The following SCYL2 variants were observed in gnomAD, a reference collection of about 807,000 sequenced individuals.
SCYL2 encodes SCY1 like pseudokinase 2, also known as SCY1-like protein 2.
A neutral mutation model predicts 100.4 loss-of-function variants in SCYL2; 36 were observed. The ratio of observed to expected loss-of-function variants is 0.36; its 90% CI spans 0.27 to 0.47. The LOEUF (loss-of-function observed/expected upper bound fraction) is 0.47. Ranked by LOEUF, SCYL2 falls within the 20% of genes least tolerant of loss-of-function variation. The pLI, the probability that SCYL2 is intolerant of heterozygous loss-of-function variation, is 1.00. For synonymous variants in SCYL2, 330 were observed against 359.2 expected (o/e 0.92, Z 0.92); for missense variants, 902 against 1,083.9 (o/e 0.83, Z 2.36).
chr12:100,309,131 T>TGC (rs1433639024), intron 4 of SCYL2, among the ~76,000 whole-genome samples: 3 of 150,402 alleles, frequency 2.0e-5, no homozygotes, highest in East Asian at 2.0e-4. Flanking sequence ...TGTGTGTGTG[T>TGC]GTGCGCGCGC....
At position 100,315,653 on chromosome 12, in the gene SCYL2, T is replaced by C. The variant is rs1234115813; in HGVS notation, c.1191T>C (p.Ala397=). The change falls in exon 9 of 18, where the codon GCT becomes GCC. Residue 397 remains alanine, a synonymous_variant. Transcript: ENST00000360820. ...PFVLPNVLLI[A]EECTKEEYVK... The stretch of plus-strand genomic sequence containing the variant: ...TTTTGCCCAATGTTCTACTTATTGC[T>C]GAGGAATGCACCAAAGAAGAATATG... The C allele has an allele frequency of 1.2e-6, 2 of 1,612,462 alleles. No individual in the cohort carries two copies. The highest frequency in any genetic ancestry group is 3.3e-4 in the Middle Eastern group (2 of 6,076).
At chr12:100,295,009 C>T (rs555395884) in intron 3 of SCYL2, among the ~76,000 whole-genome samples, 6 of 151,556 alleles carry the variant, frequency 4.0e-5, no homozygotes, top group Non-Finnish European at 8.9e-5. Flanking sequence ...ACGCTCCTCA[C>T]CTCCCAGACG....
At chr12:100,281,085 G>A (rs1378405814) in intron 1 of SCYL2, among the ~76,000 whole-genome samples, 3 of 131,560 alleles carry the variant, frequency 2.3e-5, no homozygotes, top group Non-Finnish European at 4.6e-5. Context: ...CGGGAGTGCA[G>A]TGGTGCTTTC....
chr12:100,321,218 T>C (rs2096355430), intron 10 of SCYL2, among the ~76,000 whole-genome samples: 1 of 152,272 alleles, frequency 6.6e-6, no homozygotes, highest in Non-Finnish European at 1.5e-5. Flanking sequence ...AAATAAAATA[T>C]ATCCAGTGTT....
chr12:100,328,433 T>A (rs943068238), intron 12 of SCYL2, among the ~76,000 whole-genome samples: 5 of 152,170 alleles, frequency 3.3e-5, no homozygotes, highest in Non-Finnish European at 5.9e-5. Context: ...GAGACTTCAC[T>A]GAAACAAAGG....
chr12:100,281,304 C>T (rs116549123), intron 1 of SCYL2, among the ~76,000 whole-genome samples: 2,564 of 152,234 alleles, frequency 0.017, 72 homozygotes, highest in African/African-American at 0.058. Context: ...GCTGGGATTA[C>T]AAGCCTGAAT....
At chr12:100,332,361 A>G (rs1234803612) in intron 13 of SCYL2, among the ~76,000 whole-genome samples, 1 of 152,204 alleles carries the variant, frequency 6.6e-6, no homozygotes, top group African/African-American at 2.4e-5. Context: ...CACTGTTACC[A>G]GTTAATAATA....
At chr12:100,328,105 C>T (rs1952158291) in intron 12 of SCYL2, among the ~76,000 whole-genome samples, 1 of 152,008 alleles carries the variant, frequency 6.6e-6, no homozygotes, top group Non-Finnish European at 1.5e-5. Context: ...TGGCAAAACC[C>T]CATCTCTACT....
chr12:100,279,196 C>T (rs1190488234), intron 1 of SCYL2, among the ~76,000 whole-genome samples: 1 of 152,182 alleles, frequency 6.6e-6, no homozygotes, highest in Non-Finnish European at 1.5e-5. Flanking sequence ...GGGTGAAACT[C>T]TTCTACCTCA....
chr12:100,333,165 G>A lies in SCYL2; in HGVS notation c.1762-1001G>A, dbSNP rs1952232912. Among the ~76,000 whole-genome samples the A allele has an allele frequency of 1.3e-5, 2 of 151,820 alleles. 1 individual carries two copies. Among genetic ancestry groups the A allele is most frequent in the South Asian group, 4.2e-4 (2 of 4,818 alleles). Reference sequence around the variant, plus strand: ...AAAAGTTTTAGGAACCCTAATCAGTGGAAAGTCAATCATAGTAAACTGCTT... The same window carrying A: ...AAAAGTTTTAGGAACCCTAATCAGTAGAAAGTCAATCATAGTAAACTGCTT... On this transcript the variant is annotated intron_variant, in intron 13 of 17. Coordinates refer to ENST00000360820, the MANE Select transcript of SCYL2 (RefSeq NM_017988.6).
chr12:100,269,833 C>T (rs987823879), intron 1 of SCYL2, among the ~76,000 whole-genome samples: 5 of 152,028 alleles, frequency 3.3e-5, no homozygotes, highest in Admixed American at 6.6e-5. Flanking sequence ...TTATAGGTTC[C>T]GATTCCAAAG....
intron 1 of SCYL2, among the ~76,000 whole-genome samples, chr12:100,280,725 T>G (rs1345036187): frequency 6.6e-6 from 1 of 152,118 alleles, no homozygotes; most frequent in Non-Finnish European, 1.5e-5. Flanking sequence ...AAATGCTCTT[T>G]GGAGCATTTC....
At chr12:100,282,319 C>CTTTTTTT (rs1180915936) in intron 1 of SCYL2, among the ~76,000 whole-genome samples, 6 of 85,608 alleles carry the variant, frequency 7.0e-5, no homozygotes, top group East Asian at 3.0e-4. Flanking sequence ...CACTTTTAGT[C>CTTTTTTT]TTTTTTTTTT....
Position 100,341,608 on chromosome 12 carries a change from T to C in SCYL2, c.*2436T>C, listed in dbSNP as rs1952354318. On this transcript the variant is annotated 3_prime_UTR_variant, in exon 18 of 18. Coordinates refer to ENST00000360820, the MANE Select transcript of SCYL2 (RefSeq NM_017988.6). ...AAGTAGTTTTTGTTTTCTTTTGACC[T>C]GTAAAATACCTCACATGGTTGTTTT... is the stretch of plus-strand genomic sequence containing the variant. The C allele has an allele frequency of 1.3e-5, 2 of 152,230 alleles. No homozygotes were observed. Among genetic ancestry groups the C allele is most frequent in the Non-Finnish European group, 2.9e-5 (2 of 68,030 alleles). 9.4% of individuals were successfully genotyped at this position (152,230 alleles called of 1,614,324 possible). A position where few individuals can be genotyped will look rare whatever the true frequency, so the allele number is the denominator to read the frequency against.
rs531929306 is a variant in SCYL2 at position 100,289,621 on chromosome 12, A to G, written c.178-1882A>G. On this transcript the variant is annotated intron_variant, in intron 2 of 17. Coordinates refer to ENST00000360820, the MANE Select transcript of SCYL2 (RefSeq NM_017988.6). Reference sequence around the variant, plus strand: ...CTAATGCCTGAAACTTTAGCTGTAGAGTGTATTATATTTTCATTTTTTATC... The same window carrying G: ...CTAATGCCTGAAACTTTAGCTGTAGGGTGTATTATATTTTCATTTTTTATC... Among the ~76,000 whole-genome samples, 8 of 152,268 alleles carry G rather than the reference A, an allele frequency of 5.3e-5. 1 individual carries two copies. In the East Asian group the frequency reaches 1.3e-3, roughly 26 times the overall value.
chr12:100,295,001 G>T (rs1265070807), intron 3 of SCYL2, among the ~76,000 whole-genome samples: 2 of 150,574 alleles, frequency 1.3e-5, no homozygotes, highest in African/African-American at 2.4e-5. Flanking sequence ...GGGCAGAGAC[G>T]CTCCTCACCT....
chr12:100,310,106 C>A (rs1230297236), intron 4 of SCYL2, among the ~76,000 whole-genome samples: 1 of 152,052 alleles, frequency 6.6e-6, no homozygotes, highest in Non-Finnish European at 1.5e-5. Flanking sequence ...TCAAGTGATT[C>A]TTCTGCCTCA....
In SCYL2 at chr12:100,269,359, C is replaced by T. The variant is rs75186611; in HGVS notation, c.-29+1567C>T. On this transcript the variant is annotated intron_variant, in intron 1 of 17. Coordinates refer to ENST00000360820, the MANE Select transcript of SCYL2 (RefSeq NM_017988.6). ...TAGCCAATTATGCCTATTCATCATT[C>T]AGCTCACTTCAGGGAAGACTTTCCT... Among the ~76,000 whole-genome samples the T allele has an allele frequency of 3.7e-4, 56 of 152,128 alleles. No homozygotes were observed. The East Asian group carries it at 8.5e-3, about 23-fold the overall frequency.
In SCYL2 at chr12:100,338,585, G is replaced by A. The variant is rs1952310726; in HGVS notation, c.2203G>A (p.Val735Ile). The change falls in exon 18 of 18, where the codon GTT becomes ATT. Residue 735 changes from valine (V) to isoleucine (I), a missense_variant. By Grantham distance (29) the Val-to-Ile change is conservative. Transcript: ENST00000360820. ...DNMSSLTSLS[V>I]STPKSSASST... ...TATGTCATCCTTGACCAGCCTTTCT[G>A]TTAGTACCCCTAAATCTTCTGCTTC... is the stretch of plus-strand genomic sequence containing the variant. The A allele has an allele frequency of 2.5e-6, 4 of 1,613,678 alleles. No individual in the cohort carries two copies. Among genetic ancestry groups the A allele is most frequent in the Non-Finnish European group, 2.5e-6 (3 of 1,179,708 alleles).
Sources: gnomAD v4.1 joint callset for allele counts (sites outside exome capture counted in the v4.1 genomes callset) on GRCh38, gnomAD v4.1.1 for gene constraint, MANE v1.5 for transcripts, NCBI Gene and HGNC (gene_info 2026-07-23, HGNC 2026-07-21) for gene names.